The following COMMD7 variants were observed in gnomAD, a reference collection of about 807,000 sequenced individuals.
COMMD7 encodes COMM domain-containing protein 7.
In COMMD7, 28 loss-of-function variants were observed where a neutral mutation model predicts 34.8. The ratio of observed to expected loss-of-function variants is 0.80; its 90% CI spans 0.60 to 1.10. The LOEUF is 1.10. Among genes scored for constraint, COMMD7 ranks in the 50% least tolerant of loss-of-function variants. The pLI, the probability that COMMD7 is intolerant of heterozygous loss-of-function variation, is 0.00. For synonymous variants in COMMD7, 80 were observed against 86.4 expected, an observed-to-expected ratio of 0.93 and a Z score of 0.41; for missense variants, 211 against 241.6, an observed-to-expected ratio of 0.87 and a Z score of 0.84.
chr20:32,713,939 C>T (rs1475835150), intron 3 of COMMD7, among the ~76,000 whole-genome samples: 2 of 152,086 alleles, frequency 1.3e-5, no homozygotes, highest in South Asian at 2.1e-4. Flanking sequence ...CATGGTGAAA[C>T]CCCATCTCTA....
intron 3 of COMMD7, among the ~76,000 whole-genome samples, chr20:32,726,096 A>G (rs568858580): frequency 1.3e-5 from 2 of 150,702 alleles, no homozygotes; most frequent in East Asian, 2.0e-4. Context: ...GTATTCCTAT[A>G]TAAAAAGACT....
chr20:32,732,046 T>C (rs1335525662), intron 1 of COMMD7, among the ~76,000 whole-genome samples: 1 of 152,184 alleles, frequency 6.6e-6, no homozygotes, highest in African/African-American at 2.4e-5. Flanking sequence ...TAGGATACAC[T>C]GGGGTGACCT....
intron 3 of COMMD7, among the ~76,000 whole-genome samples, chr20:32,716,476 G>C (rs557082317): frequency 1.3e-5 from 2 of 152,078 alleles, no homozygotes; most frequent in Admixed American, 6.6e-5. Context: ...TTAGCCAGGC[G>C]TGGTGGCAGG....
chr20:32,737,124 G>A (rs375822389), intron 1 of COMMD7, among the ~76,000 whole-genome samples: 102 of 152,054 alleles, frequency 6.7e-4, no homozygotes, highest in African/African-American at 2.3e-3. Flanking sequence ...AGAGCTTGCA[G>A]TGAGCCGAGA....
chr20:32,729,645 A>T (rs1985723677), intron 1 of COMMD7, among the ~76,000 whole-genome samples: 1 of 150,946 alleles, frequency 6.6e-6, no homozygotes, highest in African/African-American at 2.4e-5. Flanking sequence ...GGAGGGAGTC[A>T]TCTACAAGCC....
At position 32,728,082 on chromosome 20, in the gene COMMD7, TATTTACC is replaced by T; in HGVS notation, c.138_138+6del. On this transcript the variant is annotated splice_donor_variant and splice_donor_5th_base_variant and coding_sequence_variant and intron_variant, in exon 2 of 9. Coordinates refer to ENST00000278980, the MANE Select transcript of COMMD7 (RefSeq NM_053041.3). LOFTEE classifies it high-confidence loss of function. The stretch of plus-strand genomic sequence containing the variant: ...ACCCACTCCCTAACACAGAATGTTT[TATTTACC>T]TCTTTTGGCTCAGTTAGGAAGTGGA... 1 of 1,613,994 alleles carries T rather than the reference TATTTACC, an allele frequency of 6.2e-7. No individual in the cohort carries two copies. The highest frequency in any genetic ancestry group is 8.5e-7 in the Non-Finnish European group (1 of 1,179,946).
At position 32,718,402 on chromosome 20, in the gene COMMD7, T is replaced by TA. The variant is rs199501627; in HGVS notation, c.241+9490dup. On this transcript the variant is annotated intron_variant, in intron 3 of 8. Transcript: ENST00000278980. ...CTGGGCTACAGAGCGAAACTCCATCTAAAAAAAAAAGGGGGGCCGGACGCA... is the reference window on the plus strand; with the variant it reads ...CTGGGCTACAGAGCGAAACTCCATCTAAAAAAAAAAAGGGGGGCCGGACGCA... 3.5e-3 allele frequency among the ~76,000 whole-genome samples: 501 copies of TA among 143,600 alleles called. 2 individuals carry two copies. The highest frequency in any genetic ancestry group is 6.0e-3 in the Admixed American group (86 of 14,294). The allele number at this position is 143,600 out of a possible 152,430, so 94.2% of individuals were successfully genotyped here. A position where few individuals can be genotyped will look rare whatever the true frequency, so the allele number is the denominator to read the frequency against.
At chr20:32,704,748 T>C in intron 6 of COMMD7, 66 bp downstream of exon 6, 2 of 1,175,570 alleles carry the variant, frequency 1.7e-6, no homozygotes, top group South Asian at 2.5e-5. Flanking sequence ...ATAGTGGCTG[T>C]GTCACAGCCT....
intron 1 of COMMD7, among the ~76,000 whole-genome samples, chr20:32,736,607 T>C (rs961146292): frequency 1.3e-5 from 2 of 151,706 alleles, no homozygotes; most frequent in African/African-American, 4.8e-5. Flanking sequence ...GAGGCAGAGG[T>C]TGCAGTGAGC....
At chr20:32,705,360 A>G (rs28549317) in intron 5 of COMMD7, among the ~76,000 whole-genome samples, 25,212 of 126,702 alleles carry the variant, frequency 0.2, 2,836 homozygotes, top group Middle Eastern at 0.28. Context: ...GTGTGTGTGT[A>G]TATATATATA....
chr20:32,736,793 C>T (rs936931683), intron 1 of COMMD7, among the ~76,000 whole-genome samples: 3 of 152,168 alleles, frequency 2.0e-5, no homozygotes, highest in Non-Finnish European at 2.9e-5. Flanking sequence ...GTAATCCCAG[C>T]AATTTGGGAA....
In COMMD7 at chr20:32,734,409, T is replaced by C. The variant is rs1183710356; in HGVS notation, c.85-6267A>G. The stretch of plus-strand genomic sequence containing the variant: ...ATTGCTTGAACCCGGGAGGTGGAGG[T>C]TGCAGTGAGCCCAGATCATGCCACT... On this transcript the variant is annotated intron_variant, in intron 1 of 8. Transcript: ENST00000278980. Among the ~76,000 whole-genome samples the C allele has an allele frequency of 2.1e-5, 3 of 142,642 alleles. No homozygotes were observed. The East Asian group carries it at 6.4e-4, about 30-fold the overall frequency. The allele number at this position is 142,642 out of a possible 152,430, so 93.6% of individuals were successfully genotyped here. A position where few individuals can be genotyped will look rare whatever the true frequency, so the allele number is the denominator to read the frequency against.
intron 3 of COMMD7, among the ~76,000 whole-genome samples, chr20:32,714,921 A>C: frequency 6.6e-6 from 1 of 151,804 alleles, no homozygotes; most frequent in East Asian, 1.9e-4. Context: ...GAGGCAGGAG[A>C]ATCGCTTGAA....
At chr20:32,709,193 T>G (rs1380724572) in intron 3 of COMMD7, among the ~76,000 whole-genome samples, 4 of 151,444 alleles carry the variant, frequency 2.6e-5, no homozygotes, top group Non-Finnish European at 5.9e-5. Flanking sequence ...GCCAGCACTT[T>G]GGGAGGCTGA....
intron 3 of COMMD7, among the ~76,000 whole-genome samples, chr20:32,707,828 C>T (rs373086124): frequency 2.9e-4 from 44 of 151,882 alleles, no homozygotes; most frequent in African/African-American, 1.0e-3. Flanking sequence ...CTCCACAATG[C>T]ATTATGTAGC....
At chr20:32,726,677 T>C (rs1985530770) in intron 3 of COMMD7, among the ~76,000 whole-genome samples, 1 of 152,118 alleles carries the variant, frequency 6.6e-6, no homozygotes, top group African/African-American at 2.4e-5. Flanking sequence ...CACTCCAGCC[T>C]GGGCAAAAAG....
Position 32,728,156 on chromosome 20 carries a change from AAC to A in COMMD7, c.85-16_85-15del. 1 of 1,613,126 alleles carries A rather than the reference AAC, an allele frequency of 6.2e-7. No individual in the cohort carries two copies. The highest frequency in any genetic ancestry group is 8.5e-7 in the Non-Finnish European group (1 of 1,179,448). On this transcript the variant is annotated splice_polypyrimidine_tract_variant and intron_variant, in intron 1 of 8. Coordinates refer to ENST00000278980, the MANE Select transcript of COMMD7 (RefSeq NM_053041.3). ...GGCTGAGAACTGCTGTGAAGAAAAC[AAC>A]ACAGAACATCAGTACAATTTCTACT...
chr20:32,711,475 A>G (rs560764142), intron 3 of COMMD7, among the ~76,000 whole-genome samples: 2 of 151,942 alleles, frequency 1.3e-5, no homozygotes, highest in East Asian at 3.9e-4. Context: ...AGCAACTGAC[A>G]GAGCCAAGTG....
intron 1 of COMMD7, 71 bp downstream of exon 1, chr20:32,743,237 T>A: frequency 1.9e-6 from 1 of 526,960 alleles, no homozygotes; most frequent in Non-Finnish European, 3.1e-6. Context: ...CCCCCGGACG[T>A]CCCCCCCACC....
Sources: gnomAD v4.1 joint callset for allele counts (sites outside exome capture counted in the v4.1 genomes callset) on GRCh38, gnomAD v4.1.1 for gene constraint, MANE v1.5 for transcripts, NCBI Gene and HGNC (gene_info 2026-07-23, HGNC 2026-07-21) for gene names.